PCDH11X: variants seen among roughly 807,000 people sequenced by gnomAD.
The protein encoded by PCDH11X is protocadherin 11 X-linked.
PCDH11X carries 18 observed loss-of-function variants against 53.3 expected under a neutral mutation model. That is an observed-to-expected ratio of 0.34 (90% CI 0.23 to 0.50). The LOEUF (loss-of-function observed/expected upper bound fraction) is 0.50. Among genes scored for constraint, PCDH11X ranks in the 20% least tolerant of loss-of-function variants. The pLI, the probability that PCDH11X is intolerant of heterozygous loss-of-function variation, is 0.98. For synonymous variants in PCDH11X, 279 were observed against 393.3 expected (o/e 0.71, Z 3.44); for missense variants, 570 against 1,032.4 (o/e 0.55, Z 6.14).
rs1343002957 is a variant in PCDH11X at position 92,622,961 on chromosome X, C to G, written c.*4021C>G. 9.0e-6 allele frequency: 1 copy of G among 110,734 alleles called. No individual in the cohort carries two copies. The highest frequency in any genetic ancestry group is 1.9e-5 in the Non-Finnish European group (1 of 52,756). 9.1% of individuals were successfully genotyped at this position (110,734 alleles called of 1,213,427 possible). A position where few individuals can be genotyped will look rare whatever the true frequency, so the allele number is the denominator to read the frequency against. ...GTAAACTGTGTGAAATTTATACTAT[C>G]CCTGCTTAAAATATTAAGATTTTTA... On this transcript the variant is annotated 3_prime_UTR_variant, in exon 11 of 11. Transcript: ENST00000682573.
intron 10 of PCDH11X, among the ~76,000 whole-genome samples, chrX:92,607,518 T>C (rs1248139751): frequency 9.0e-6 from 1 of 111,634 alleles, no homozygotes; most frequent in African/African-American, 3.2e-5. Context: ...TTTGAAGTGA[T>C]AAAGATGTCC....
At chrX:92,500,061 T>C (rs1387135879) in intron 10 of PCDH11X, among the ~76,000 whole-genome samples, 1 of 111,212 alleles carries the variant, frequency 9.0e-6, no homozygotes, top group African/African-American at 3.3e-5. Context: ...TTGTATTTTA[T>C]AGGGGCTTAT....
intron 7 of PCDH11X, among the ~76,000 whole-genome samples, chrX:92,254,361 A>T (rs906668735): frequency 5.4e-5 from 6 of 110,584 alleles, no homozygotes; most frequent in East Asian, 5.8e-4. Context: ...GTTTCCTGAA[A>T]ACAGCACACT....
chrX:92,427,623 AGT>A (rs1429315196), intron 9 of PCDH11X, among the ~76,000 whole-genome samples: 6 of 34,684 alleles, frequency 1.7e-4, no homozygotes, highest in Admixed American at 3.7e-4. Flanking sequence ...CACTTGGTAT[AGT>A]ATAACTTCTC....
Position 92,123,192 on chromosome X carries a change from ACCAAGTTGTCTTTGATTTTCTCCG to A in PCDH11X, c.3034-78180_3034-78157del, listed in dbSNP as rs2064803415. ...TCTGTAATGCCAACCAATTTTCTCTACCAAGTTGTCTTTGATTTTCTCCGCCTAGATAAATACTACTTCCCTTCT... is the reference window on the plus strand; with the variant it reads ...TCTGTAATGCCAACCAATTTTCTCTACCTAGATAAATACTACTTCCCTTCT... On this transcript the variant is annotated intron_variant, in intron 6 of 10. Coordinates refer to ENST00000682573, the MANE Select transcript of PCDH11X (RefSeq NM_032968.5). Among the ~76,000 whole-genome samples, 6 of 111,128 alleles carry A rather than the reference ACCAAGTTGTCTTTGATTTTCTCCG, an allele frequency of 5.4e-5. No homozygotes were observed. The South Asian group carries it at 2.3e-3, about 42-fold the overall frequency.
intron 1 of PCDH11X, among the ~76,000 whole-genome samples, chrX:91,791,423 G>A (rs1294380488): frequency 9.1e-6 from 1 of 109,430 alleles, no homozygotes; most frequent in Non-Finnish European, 1.9e-5. Context: ...GGAGGAAGAC[G>A]GAGCAGGTGC....
chrX:91,951,718 A>G (rs1427066439), intron 6 of PCDH11X, among the ~76,000 whole-genome samples: 1 of 108,307 alleles, frequency 9.2e-6, no homozygotes, highest in Non-Finnish European at 1.9e-5. Context: ...CATAAATTGC[A>G]TGAATTTTTC....
chrX:92,376,409 A>G, intron 8 of PCDH11X, among the ~76,000 whole-genome samples: 1 of 112,302 alleles, frequency 8.9e-6, no homozygotes, highest in Middle Eastern at 4.6e-3. Flanking sequence ...AGGAGCATGA[A>G]AACTAACAAA....
rs1451926142 is a variant in PCDH11X at position 91,919,552 on chromosome X, A to T, written c.3033+40279A>T. ...TTCTTTGTCATAACATCCTCACCAA[A>T]GCTTTTGGAAATTGCTGTTTTCAAT... On this transcript the variant is annotated intron_variant, in intron 6 of 10. Coordinates refer to ENST00000682573, the MANE Select transcript of PCDH11X (RefSeq NM_032968.5). Among the ~76,000 whole-genome samples, 3 of 111,257 alleles carry T rather than the reference A, an allele frequency of 2.7e-5. No homozygotes were observed. The East Asian group carries it at 8.5e-4, about 31-fold the overall frequency.
intron 6 of PCDH11X, among the ~76,000 whole-genome samples, chrX:92,010,116 T>G (rs1569305621): frequency 9.0e-6 from 1 of 111,587 alleles, no homozygotes; most frequent in African/African-American, 3.3e-5. Flanking sequence ...TGATTATATG[T>G]AACCAAACTG....
chrX:92,542,250 T>G (rs2074770988), intron 10 of PCDH11X, among the ~76,000 whole-genome samples: 1 of 111,569 alleles, frequency 9.0e-6, no homozygotes, highest in African/African-American at 3.3e-5. Flanking sequence ...AGAGAAAATC[T>G]CTTTTTTTGA....
intron 9 of PCDH11X, among the ~76,000 whole-genome samples, chrX:92,421,777 C>T (rs1433310210): frequency 9.0e-6 from 1 of 111,620 alleles, no homozygotes; most frequent in African/African-American, 3.3e-5. Context: ...TATCTCATTG[C>T]GGTTTTGATT....
At chrX:92,489,309 G>A (rs996237674) in intron 10 of PCDH11X, among the ~76,000 whole-genome samples, 2 of 109,861 alleles carry the variant, frequency 1.8e-5, no homozygotes, top group African/African-American at 6.7e-5. Context: ...TGGCATTATA[G>A]GTGGGTGAAA....
At chrX:92,511,085 A>G (rs1031950647) in intron 10 of PCDH11X, among the ~76,000 whole-genome samples, 3 of 111,863 alleles carry the variant, frequency 2.7e-5, no homozygotes, top group African/African-American at 9.7e-5. Context: ...TTTTCTGACC[A>G]GTATCTTTAC....
intron 8 of PCDH11X, among the ~76,000 whole-genome samples, chrX:92,301,646 TTTTTGTTTTGTTTTG>T (rs200383063): frequency 1.8e-4 from 19 of 105,376 alleles, no homozygotes; most frequent in Admixed American, 6.1e-4. Context: ...ACTTTTTTGT[TTTTTGTTTTGTTTTG>T]TTTTGTTTTG....
intron 5 of PCDH11X, among the ~76,000 whole-genome samples, chrX:91,846,363 A>C (rs1350109920): frequency 9.0e-6 from 1 of 111,436 alleles, no homozygotes; most frequent in African/African-American, 3.3e-5. Flanking sequence ...CATGCCTGTA[A>C]TCACAGCACT....
At chrX:92,563,500 A>T (rs1466757063) in intron 10 of PCDH11X, among the ~76,000 whole-genome samples, 1 of 93,247 alleles carries the variant, frequency 1.1e-5, no homozygotes, top group East Asian at 3.8e-4. Context: ...CAGGTCTGGC[A>T]GCAGACTTTT....
intron 6 of PCDH11X, among the ~76,000 whole-genome samples, chrX:92,160,226 T>C (rs1261144133): frequency 9.1e-6 from 1 of 109,299 alleles, no homozygotes; most frequent in African/African-American, 3.4e-5. Context: ...TAAGTTCTTT[T>C]GTGGGGATTT....
intron 10 of PCDH11X, among the ~76,000 whole-genome samples, chrX:92,542,191 C>T (rs1225893972): frequency 1.8e-5 from 2 of 111,703 alleles, no homozygotes; most frequent in African/African-American, 6.5e-5. Flanking sequence ...TGAAATTCAA[C>T]ACCTATTCCA....
Sources: allele counts gnomAD v4.1 joint callset (sites outside exome capture counted in the v4.1 genomes callset), GRCh38; gene constraint gnomAD v4.1.1; transcripts MANE v1.5; gene names NCBI Gene and HGNC (gene_info 2026-07-23, HGNC 2026-07-21).